The following LTN1 variants were observed in gnomAD, a reference collection of about 807,000 sequenced individuals.
LTN1 encodes listerin E3 ubiquitin protein ligase 1.
Under a neutral mutation model 201.2 loss-of-function variants are expected in LTN1, and 88 were observed. That is an observed-to-expected ratio of 0.44 (90% CI 0.37 to 0.52). The LOEUF is 0.52. Ranked by LOEUF, LTN1 falls within the 20% of genes least tolerant of loss-of-function variation. The pLI, the probability that LTN1 is intolerant of heterozygous loss-of-function variation, is 0.00. For synonymous variants in LTN1, 645 were observed against 713.5 expected (o/e 0.90, Z 1.53); for missense variants, 1,752 against 2,038.7 (o/e 0.86, Z 2.71).
intron 29 of LTN1, 54 bp downstream of exon 29, chr21:28,931,101 T>TG (rs2084207695): frequency 3.0e-5 from 29 of 967,820 alleles, no homozygotes; most frequent in Admixed American, 4.1e-5. Context: ...GTGTGTGTGT[T>TG]TATGTGTATA....
intron 21 of LTN1, among the ~76,000 whole-genome samples, 197 bp downstream of exon 21, chr21:28,945,610 G>A (rs1474122456): frequency 6.6e-6 from 1 of 152,192 alleles, no homozygotes; most frequent in Non-Finnish European, 1.5e-5. Context: ...ACTGAATGAT[G>A]CTGGTAGTCA....
At chr21:28,940,580 CA>C (rs1032162303) in intron 25 of LTN1, among the ~76,000 whole-genome samples, 19 of 150,388 alleles carry the variant, frequency 1.3e-4, no homozygotes, top group African/African-American at 4.6e-4. Flanking sequence ...GAAAAAAAAA[CA>C]AAAAACACAA....
In LTN1 at chr21:28,970,652, T is replaced by C; in HGVS notation, c.1075A>G (p.Ile359Val). The change falls in exon 8 of 30, where the codon ATA (isoleucine) becomes GTA (valine). Residue 359 changes from isoleucine (I) to valine (V), a missense_variant. Ile to Val is a conservative substitution (Grantham distance 29). Around this residue, in one of 3 missense-constraint regions of LTN1, gnomAD observed 1,211 missense variants for 1,312.8 expected, o/e 0.92. Transcript: ENST00000361371. ...REGGRGLATV[I>V]YPYLLPFISK... ...ATGAATGGCAGAAGGTAAGGATATA[T>C]GACAGTAGCTAGACCCCGACCACCT... 1 of 1,613,872 alleles carries C rather than the reference T, an allele frequency of 6.2e-7. No individual in the cohort carries two copies. Among genetic ancestry groups the C allele is most frequent in the Non-Finnish European group, 8.5e-7 (1 of 1,179,782 alleles).
intron 24 of LTN1, 88 bp downstream of exon 24, chr21:28,943,174 C>T: frequency 4.2e-6 from 3 of 708,292 alleles, no homozygotes; most frequent in East Asian, 2.7e-5. Flanking sequence ...AACTCTATAG[C>T]TTCTGTGCTG....
At chr21:28,972,325 C>T (rs891989737) in intron 6 of LTN1, among the ~76,000 whole-genome samples, 5 of 152,162 alleles carry the variant, frequency 3.3e-5, no homozygotes, top group Non-Finnish European at 5.9e-5. Flanking sequence ...CAGTTTATCC[C>T]TTGGTACCTG....
intron 6 of LTN1, among the ~76,000 whole-genome samples, chr21:28,980,201 A>G (rs2084647379): frequency 6.6e-6 from 1 of 152,038 alleles, no homozygotes; most frequent in Non-Finnish European, 1.5e-5. Flanking sequence ...AAGCAGCAGC[A>G]CTGAAGTGCT....
intron 25 of LTN1, among the ~76,000 whole-genome samples, chr21:28,939,277 C>T (rs558599834): frequency 1.5e-4 from 23 of 152,146 alleles, no homozygotes; most frequent in Non-Finnish European, 2.9e-4. Context: ...TGAGTATTCG[C>T]TGGGGTGGGG....
At chr21:28,980,086 C>T (rs1017777910) in intron 6 of LTN1, among the ~76,000 whole-genome samples, 4 of 152,074 alleles carry the variant, frequency 2.6e-5, no homozygotes, top group Non-Finnish European at 4.4e-5. Flanking sequence ...AACAAGGCGA[C>T]GTTCCCTTAT....
rs183487235 is a variant in LTN1 at position 28,965,515 on chromosome 21, C to G, written c.2163+350G>C. ...TCTACCCAAAGCTAGAACCTCCAAT[C>G]CATTTCTGCAGTAGAAAAAGTAACT... On this transcript the variant is annotated intron_variant, in intron 11 of 29. Transcript: ENST00000361371. 4.3e-3 allele frequency among the ~76,000 whole-genome samples: 653 copies of G among 152,202 alleles called. 2 individuals are homozygous for G. The highest frequency in any genetic ancestry group is 0.015 in the African/African-American group (612 of 41,532).
rs1447204123 is a variant in LTN1, at chr21:28,929,866, G to C, written c.*582C>G. On this transcript the variant is annotated 3_prime_UTR_variant, in exon 30 of 30. Transcript: ENST00000361371. ...ATAAATGGAGGCACCTTAAAGTTCA[G>C]TTTAAACTCTTTTATATAGGATTTC... 2 of 152,048 alleles carry C rather than the reference G, an allele frequency of 1.3e-5. No homozygotes were observed. Among genetic ancestry groups the C allele is most frequent in the African/African-American group, 4.8e-5 (2 of 41,406 alleles). 9.4% of individuals were successfully genotyped at this position (152,048 alleles called of 1,614,324 possible). A position where few individuals can be genotyped will look rare whatever the true frequency, so the allele number is the denominator to read the frequency against.
chr21:28,941,544 A>G (rs150720928), intron 24 of LTN1, 138 bp from the exon 25 acceptor site: 18 of 621,776 alleles, frequency 2.9e-5, no homozygotes, highest in Admixed American at 2.5e-4. Flanking sequence ...CCCTCTATTG[A>G]GCCAATTTTA....
At chr21:28,936,232 C>T (rs1396880170) in intron 26 of LTN1, among the ~76,000 whole-genome samples, 1 of 152,156 alleles carries the variant, frequency 6.6e-6, no homozygotes, top group African/African-American at 2.4e-5. Flanking sequence ...AACTTTATTT[C>T]CCCTGATTTA....
At chr21:28,988,187 C>T (rs2084715613) in intron 1 of LTN1, among the ~76,000 whole-genome samples, 1 of 150,976 alleles carries the variant, frequency 6.6e-6, no homozygotes, top group African/African-American at 2.4e-5. Flanking sequence ...CTCATACCGG[C>T]CAGGCAAGGT....
At chr21:28,983,729 TA>T (rs2084676147) in intron 4 of LTN1, among the ~76,000 whole-genome samples, 1 of 152,182 alleles carries the variant, frequency 6.6e-6, no homozygotes, top group Non-Finnish European at 1.5e-5. Flanking sequence ...TGGAAATGTT[TA>T]AGTAGGGTTA....
chr21:28,984,266 AAT>A (rs1354792712), intron 4 of LTN1, among the ~76,000 whole-genome samples: 1 of 152,152 alleles, frequency 6.6e-6, no homozygotes, highest in South Asian at 2.1e-4. Context: ...TAAAAAGTTA[AAT>A]AAACTACAGT....
chr21:28,943,182 C>A, intron 24 of LTN1, 80 bp downstream of exon 24: 2 of 762,066 alleles, frequency 2.6e-6, no homozygotes, highest in South Asian at 1.7e-5. Flanking sequence ...AGCTTCTGTG[C>A]TGCTTCAGTC....
intron 7 of LTN1, 42 bp from the exon 8 acceptor site, chr21:28,970,784 A>G (rs1738139593): frequency 1.4e-6 from 2 of 1,448,006 alleles, no homozygotes; most frequent in Non-Finnish European, 1.9e-6. Flanking sequence ...GAGATCATAA[A>G]CATACTTTTC....
chr21:28,963,755 T>G (rs997653735), intron 11 of LTN1, among the ~76,000 whole-genome samples: 1 of 152,138 alleles, frequency 6.6e-6, no homozygotes, highest in African/African-American at 2.4e-5. Flanking sequence ...CTGAAAACCT[T>G]CTGGAAAAAA....
rs2084187527 is a variant in LTN1 at position 28,928,615 on chromosome 21, C to A, written c.*1833G>T. On this transcript the variant is annotated 3_prime_UTR_variant, in exon 30 of 30. Transcript: ENST00000361371. ...TTTTCTTTAGTATATAAACAGTTAA[C>A]AAGCTTTACAATTATACTTACAAGT... 2 of 151,992 alleles carry A rather than the reference C, an allele frequency of 1.3e-5. No individual in the cohort carries two copies. Among genetic ancestry groups the A allele is most frequent in the African/African-American group, 2.4e-5 (1 of 41,390 alleles). The allele number at this position is 151,992 out of a possible 1,614,324, so 9.4% of individuals were successfully genotyped here.
Sources: gnomAD v4.1 joint callset for allele counts (sites outside exome capture counted in the v4.1 genomes callset) on GRCh38, gnomAD v4.1.1 for gene constraint, gnomAD v4.1.1 regional missense constraint, MANE v1.5 for transcripts, NCBI Gene and HGNC (gene_info 2026-07-23, HGNC 2026-07-21) for gene names.